ETV6: variants seen among roughly 807,000 people sequenced by gnomAD.
ETV6 encodes the protein transcription factor ETV6.
In ETV6, 16 loss-of-function variants were observed where a neutral mutation model predicts 51.1. That is an observed-to-expected ratio of 0.31 (90% CI 0.21 to 0.48). The LOEUF (loss-of-function observed/expected upper bound fraction) is 0.48. ETV6 is among the 20% of genes least tolerant of loss of function. The pLI, the probability that ETV6 is intolerant of heterozygous loss-of-function variation, is 0.99. For synonymous variants in ETV6, 240 were observed against 224.1 expected, an observed-to-expected ratio of 1.07 and a Z score of -0.64; for missense variants, 458 against 594.8, an observed-to-expected ratio of 0.77 and a Z score of 2.39.
At chr12:11,848,723 T>TGCGCAAGTGAAGGGCCCC (rs1325217616) in intron 3 of ETV6, among the ~76,000 whole-genome samples, 14 of 152,226 alleles carry the variant, frequency 9.2e-5, no homozygotes, top group African/African-American at 3.1e-4. Flanking sequence ...CCCAGGGACC[T>TGCGCAAGTGAAGGGCCCC]GCGCAAGTGA....
At chr12:11,889,527 G>T (rs1591753922) in intron 7 of ETV6, among the ~76,000 whole-genome samples, 1 of 152,312 alleles carries the variant, frequency 6.6e-6, no homozygotes, top group East Asian at 1.9e-4. Context: ...TGAAATCATG[G>T]ACTAGTGCCA....
At chr12:11,699,860 C>T (rs1864946241) in intron 1 of ETV6, among the ~76,000 whole-genome samples, 1 of 152,126 alleles carries the variant, frequency 6.6e-6, no homozygotes, top group Admixed American at 6.6e-5. Flanking sequence ...GCAAATGGGC[C>T]AAGGTCATGC....
rs185813270 is a variant in ETV6 at position 11,867,276 on chromosome 12, C to A, written c.464-2148C>A. ...GATAAGTGGTGGCAGATCATAAATA[C>A]TTCATCTTGCTTTTCGTATCTAACC... is the stretch of plus-strand genomic sequence containing the variant. On this transcript the variant is annotated intron_variant, in intron 4 of 7. Transcript: ENST00000396373. Among the ~76,000 whole-genome samples the A allele has an allele frequency of 4.5e-3, 687 of 152,330 alleles. 20 individuals carry two copies. Among genetic ancestry groups the A allele is most frequent in the Admixed American group, 0.039 (604 of 15,304 alleles).
intron 1 of ETV6, among the ~76,000 whole-genome samples, chr12:11,743,086 G>A (rs1865840173): frequency 1.3e-5 from 2 of 152,102 alleles, no homozygotes; most frequent in East Asian, 3.8e-4. Context: ...GGGATTACAG[G>A]TGTGAGCCAC....
In ETV6 at chr12:11,842,735, G is replaced by A. The variant is rs372323634; in HGVS notation, c.328+3431G>A. Among the ~76,000 whole-genome samples, 192 of 152,312 alleles carry A rather than the reference G, an allele frequency of 1.3e-3. 2 individuals are homozygous for A. The highest frequency in any genetic ancestry group is 4.5e-3 in the African/African-American group (186 of 41,562). On this transcript the variant is annotated intron_variant, in intron 3 of 7. Transcript: ENST00000396373. ...TGCAACAGACATTTTCCACCAGTGC[G>A]TAGGGTAGATTCATTGGCTTACTTA...
At chr12:11,688,535 T>A (rs1045182625) in intron 1 of ETV6, among the ~76,000 whole-genome samples, 2 of 152,196 alleles carry the variant, frequency 1.3e-5, no homozygotes, top group Non-Finnish European at 2.9e-5. Context: ...GTCCCACTGG[T>A]GATAAGCTGG....
chr12:11,787,068 C>G (rs1043962515), intron 2 of ETV6, among the ~76,000 whole-genome samples: 1 of 152,092 alleles, frequency 6.6e-6, no homozygotes, highest in African/African-American at 2.4e-5. Context: ...GGCCCATGAG[C>G]CAAGTTTAGT....
chr12:11,835,536 C>T (rs1382903297), intron 2 of ETV6, among the ~76,000 whole-genome samples: 1 of 152,200 alleles, frequency 6.6e-6, no homozygotes, highest in Non-Finnish European at 1.5e-5. Flanking sequence ...AGACCAAGCA[C>T]CCATGAGTGC....
intron 1 of ETV6, chr12:11,716,561 T>C (rs1417907759): frequency 6.6e-6 from 1 of 152,156 alleles, no homozygotes; most frequent in African/African-American, 2.4e-5. Flanking sequence ...GCAGGATTAG[T>C]TCCTTTCTTC....
At chr12:11,697,886 A>T (rs370676056) in intron 1 of ETV6, among the ~76,000 whole-genome samples, 2 of 152,184 alleles carry the variant, frequency 1.3e-5, no homozygotes, top group African/African-American at 4.8e-5. Flanking sequence ...GAGATTTCCA[A>T]TCATGCCCAT....
chr12:11,877,947 G>A (rs1591743691), intron 5 of ETV6, among the ~76,000 whole-genome samples: 1 of 152,212 alleles, frequency 6.6e-6, no homozygotes, highest in East Asian at 1.9e-4. Flanking sequence ...ATCTGAGAGG[G>A]ACTGTGTGGG....
intron 1 of ETV6, among the ~76,000 whole-genome samples, chr12:11,651,861 C>T (rs1229699425): frequency 2.0e-5 from 3 of 152,184 alleles, no homozygotes; most frequent in Non-Finnish European, 4.4e-5. Flanking sequence ...ACAATGCTTT[C>T]TGTGACGTTT....
intron 1 of ETV6, among the ~76,000 whole-genome samples, chr12:11,742,022 T>G (rs1266612102): frequency 6.6e-6 from 1 of 152,242 alleles, no homozygotes; most frequent in Non-Finnish European, 1.5e-5. Flanking sequence ...TTAAAATGTT[T>G]CCTGAATTGT....
At chr12:11,717,611 G>A (rs1320208244) in intron 1 of ETV6, among the ~76,000 whole-genome samples, 5 of 152,114 alleles carry the variant, frequency 3.3e-5, no homozygotes, top group African/African-American at 1.2e-4. Flanking sequence ...GACCTCATGC[G>A]CCTGCAAGTG....
chr12:11,844,505 G>A (rs917165935), intron 3 of ETV6, among the ~76,000 whole-genome samples: 4 of 152,144 alleles, frequency 2.6e-5, no homozygotes, highest in African/African-American at 9.7e-5. Flanking sequence ...TTCTTTCAAA[G>A]TTAAACTGAA....
At chr12:11,717,601 G>A (rs535090686) in intron 1 of ETV6, among the ~76,000 whole-genome samples, 9 of 152,186 alleles carry the variant, frequency 5.9e-5, no homozygotes, top group Middle Eastern at 3.4e-3. Flanking sequence ...TAAAAGGCTC[G>A]ACCTCATGCG....
intron 5 of ETV6, among the ~76,000 whole-genome samples, chr12:11,870,482 C>G (rs1286466691): frequency 2.0e-5 from 3 of 152,070 alleles, no homozygotes; most frequent in Admixed American, 2.0e-4. Flanking sequence ...ACAGAGGAAA[C>G]CACTCCCAGA....
intron 3 of ETV6, among the ~76,000 whole-genome samples, chr12:11,843,231 A>G (rs1946415563): frequency 6.6e-6 from 1 of 152,204 alleles, no homozygotes; most frequent in Non-Finnish European, 1.5e-5. Flanking sequence ...GACCCATCTG[A>G]TGAAGGGGTC....
At chr12:11,839,019 AG>A in intron 2 of ETV6, 120 bp from the exon 3 acceptor site, 1 of 1,054,604 alleles carries the variant, frequency 9.5e-7, no homozygotes, top group South Asian at 1.8e-5. Context: ...GTTGAACATA[AG>A]GGCTCTTGAG....
Sources: gnomAD v4.1 joint callset for allele counts (sites outside exome capture counted in the v4.1 genomes callset) on GRCh38, gnomAD v4.1.1 for gene constraint, MANE v1.5 for transcripts, NCBI Gene and HGNC (gene_info 2026-07-23, HGNC 2026-07-21) for gene names.